Variants in OR52I2 observed in about 807,000 individuals in gnomAD.
The protein encoded by OR52I2 is olfactory receptor 52I2.
For missense variants in OR52I2, 350 were observed against 402.4 expected (o/e 0.87, Z 1.11); for synonymous variants, 147 against 151.9 (o/e 0.97, Z 0.24).
intron 1 of OR52I2, among the ~76,000 whole-genome samples, chr11:4,582,689 C>G (rs1229819647): frequency 6.6e-6 from 1 of 152,018 alleles, no homozygotes; most frequent in African/African-American, 2.4e-5. Flanking sequence ...ACCACCTCGG[C>G]CTCCCAAAGT....
At chr11:4,593,204 T>C (rs1038704706) in exon 2 of OR52I2, 1 of 152,524 alleles carries the variant, frequency 6.6e-6, no homozygotes, top group African/African-American at 2.4e-5. Context: ...AAGAGGGAGT[T>C]AGTTGTATTA....
At chr11:4,582,433 C>CCTTTTTTTTTT (rs1564859030) in intron 1 of OR52I2, among the ~76,000 whole-genome samples, 2 of 74,664 alleles carry the variant, frequency 2.7e-5, no homozygotes, top group African/African-American at 4.5e-5. Flanking sequence ...ATTTATTTTT[C>CCTTTTTTTTTT]ATTTTTTTTT....
chr11:4,586,060 T>C (rs770811598), intron 1 of OR52I2, among the ~76,000 whole-genome samples: 1 of 152,178 alleles, frequency 6.6e-6, no homozygotes, highest in South Asian at 2.1e-4. Context: ...ATCTATAAGG[T>C]AGTCCCAAGG....
At chr11:4,582,241 G>C (rs895692545) in intron 1 of OR52I2, among the ~76,000 whole-genome samples, 6 of 151,874 alleles carry the variant, frequency 4.0e-5, no homozygotes, top group Admixed American at 3.9e-4. Context: ...AAAGGCACAG[G>C]GTTGTCATAA....
At chr11:4,584,703 A>T (rs1482832327) in intron 1 of OR52I2, among the ~76,000 whole-genome samples, 1 of 152,182 alleles carries the variant, frequency 6.6e-6, no homozygotes. Flanking sequence ...TTGAGAACTG[A>T]TCTATAATGG....
exon 2 of OR52I2, chr11:4,590,842 C>T (rs1846345298): frequency 1.3e-5 from 2 of 152,170 alleles, no homozygotes; most frequent in Non-Finnish European, 2.9e-5. Flanking sequence ...AGATGTCTCA[C>T]CCAGTAGCTA....
At chr11:4,585,339 T>C (rs1846291605) in intron 1 of OR52I2, among the ~76,000 whole-genome samples, 1 of 152,120 alleles carries the variant, frequency 6.6e-6, no homozygotes, top group South Asian at 2.1e-4. Flanking sequence ...AAGCTGAATG[T>C]TACCACCAGA....
exon 2 of OR52I2, chr11:4,588,019 T>C: frequency 1.5e-6 from 1 of 667,042 alleles, no homozygotes; most frequent in Non-Finnish European, 2.5e-6. Context: ...ATGAAATGTT[T>C]CTGATTTTCT....
Position 4,585,122 on chromosome 11 carries a change from G to C in OR52I2, c.-19-1750G>C, listed in dbSNP as rs369558884. Among the ~76,000 whole-genome samples the C allele has an allele frequency of 2.0e-3, 305 of 152,238 alleles. 1 individual carries two copies. The highest frequency in any genetic ancestry group is 3.6e-3 in the Non-Finnish European group (246 of 68,008). ...TTACATAATTTGACTAAGGCAAAGC[G>C]GCTAGCAAGTGATAGAGTGGATTTT... On this transcript the variant is annotated intron_variant, in intron 1 of 1. Coordinates refer to ENST00000641896, the Ensembl canonical transcript of OR52I2.
At chr11:4,581,909 G>A (rs1202286380) in intron 1 of OR52I2, 45 bp downstream of exon 1, 11 of 152,232 alleles carry the variant, frequency 7.2e-5, no homozygotes, top group Admixed American at 4.6e-4. Flanking sequence ...GATAGAGATC[G>A]AATGTTGGGC....
Position 4,585,463 on chromosome 11 carries a change from G to C in OR52I2, c.-19-1409G>C, listed in dbSNP as rs78810201. 1.8e-3 allele frequency among the ~76,000 whole-genome samples: 273 copies of C among 152,196 alleles called. 2 individuals are homozygous for C. Among genetic ancestry groups the C allele is most frequent in the African/African-American group, 6.5e-3 (268 of 41,530 alleles). ...CATCCTAAGGAGAAAGTAACTAAAG[G>C]GCTACCACGCAGGACTGTAATGGCA... On this transcript the variant is annotated intron_variant, in intron 1 of 1. Coordinates refer to ENST00000641896, the Ensembl canonical transcript of OR52I2.
chr11:4,583,011 A>G (rs1018305247), intron 1 of OR52I2, among the ~76,000 whole-genome samples: 1 of 152,210 alleles, frequency 6.6e-6, no homozygotes, highest in Non-Finnish European at 1.5e-5. Context: ...TAATGGCTCA[A>G]AAACAAAACC....
chr11:4,582,810 G>A (rs1846269231), intron 1 of OR52I2, among the ~76,000 whole-genome samples: 1 of 152,140 alleles, frequency 6.6e-6, no homozygotes, highest in African/African-American at 2.4e-5. Context: ...TAAAAACAAA[G>A]GCAGGTGCAG....
intron 1 of OR52I2, among the ~76,000 whole-genome samples, chr11:4,584,418 T>C (rs963135068): frequency 3.9e-5 from 6 of 152,212 alleles, no homozygotes; most frequent in Admixed American, 2.6e-4. Flanking sequence ...CCAACCTACA[T>C]GTCCATTTCT....
At chr11:4,588,138 C>G in exon 2 of OR52I2, 1 of 412,038 alleles carries the variant, frequency 2.4e-6, no homozygotes. Flanking sequence ...TAGGAATGTG[C>G]TAGGTTAGGC....
At chr11:4,588,454 A>C (rs1232427522) in exon 2 of OR52I2, 1 of 155,708 alleles carries the variant, frequency 6.4e-6, no homozygotes, top group Non-Finnish European at 1.4e-5. Flanking sequence ...GGCCCCATGC[A>C]CCCCTCTAGC....
Position 4,585,429 on chromosome 11 carries a change from G to T in OR52I2, c.-19-1443G>T, listed in dbSNP as rs74693989. On this transcript the variant is annotated intron_variant, in intron 1 of 1. Transcript: ENST00000641896. ...TGACCAAACATCATATGAAATCATT[G>T]AAACCAATCATCCTAAGGAGAAAGT... Among the ~76,000 whole-genome samples, 1,195 of 152,272 alleles carry T rather than the reference G, an allele frequency of 7.8e-3. 25 individuals are homozygous for T. Among genetic ancestry groups the T allele is most frequent in the African/African-American group, 0.027 (1,122 of 41,554 alleles).
exon 2 of OR52I2, chr11:4,590,410 CAACT>C (rs1216365537): frequency 6.6e-6 from 1 of 152,122 alleles, no homozygotes; most frequent in East Asian, 1.9e-4. Context: ...TAGAAAGAAA[CAACT>C]AACCAAACCG....
exon 2 of OR52I2, chr11:4,592,654 G>A (rs1198483043): frequency 6.6e-6 from 1 of 152,178 alleles, no homozygotes; most frequent in East Asian, 1.9e-4. Flanking sequence ...CCTAAGGAGA[G>A]AGTAACTAAA....
Sources: gnomAD v4.1 joint callset for allele counts (sites outside exome capture counted in the v4.1 genomes callset) on GRCh38, gnomAD v4.1.1 for gene constraint, MANE v1.5 for transcripts, NCBI Gene and HGNC (gene_info 2026-07-23, HGNC 2026-07-21) for gene names.